The following PCM1 variants were observed in gnomAD, a reference collection of about 807,000 sequenced individuals.
The protein encoded by PCM1 is pericentriolar material 1.
In PCM1, 157 loss-of-function variants were observed where a neutral mutation model predicts 241.9. The ratio of observed to expected loss-of-function variants is 0.65; its 90% CI spans 0.57 to 0.74. PCM1 has a LOEUF of 0.74. Among genes scored for constraint, PCM1 ranks in the 30% least tolerant of loss-of-function variants. PCM1 has a pLI of 0.00. For missense variants in PCM1, 3,478 were observed against 2,360.1 expected (o/e 1.47, Z -9.81); for synonymous variants, 1,085 against 784.9 (o/e 1.38, Z -6.39).
intron 10 of PCM1, 199 bp downstream of exon 10, chr8:17,955,852 C>T (rs2068131590): frequency 1.7e-6 from 1 of 578,494 alleles, no homozygotes; most frequent in South Asian, 2.1e-5. Flanking sequence ...AACATAGTTT[C>T]TGTGAACTGA....
rs370255314 is a variant in PCM1, at chr8:18,015,958, G to A, written c.5841+1118G>A. The stretch of plus-strand genomic sequence containing the variant: ...GGCTGGAGTGCAGTGGCGCGATCTC[G>A]GCTCACTGCAACCTCTGCCTCCTGG... On this transcript the variant is annotated intron_variant, in intron 36 of 38. Transcript: ENST00000325083. Among the ~76,000 whole-genome samples the A allele has an allele frequency of 4.6e-4, 70 of 152,212 alleles. No homozygotes were observed. In the East Asian group the frequency reaches 8.7e-3, roughly 19 times the overall value.
At position 17,955,536 on chromosome 8, in the gene PCM1, C is replaced by T. The variant is rs571743913; in HGVS notation, c.1355C>T (p.Pro452Leu). 28 of 1,613,586 alleles carry T rather than the reference C, an allele frequency of 1.7e-5. No homozygotes were observed. The highest frequency in any genetic ancestry group is 2.2e-5 in the East Asian group (1 of 44,864). The change falls in exon 10 of 39, where the codon CCG (proline) becomes CTG (leucine). Residue 452 changes from proline (P) to leucine (L), a missense_variant. Coordinates refer to ENST00000325083, the MANE Select transcript of PCM1 (RefSeq NM_006197.4). Reference sequence around the variant, plus strand: ...CCCTCTGCTTCTGTAGGCTTGGCACCGGTTGTCAATGGAGAATCCAATAGC... The same window carrying T: ...CCCTCTGCTTCTGTAGGCTTGGCACTGGTTGTCAATGGAGAATCCAATAGC... ...SAPSASVGLA[P>L]VVNGESNSLT...
chr8:17,970,960 A>G (rs1295672048), intron 22 of PCM1, among the ~76,000 whole-genome samples: 2 of 152,184 alleles, frequency 1.3e-5, no homozygotes, highest in Admixed American at 6.5e-5. Flanking sequence ...CTTTTCCTAT[A>G]AAAGACTAGA....
At chr8:17,930,556 T>C (rs1162740278) in intron 2 of PCM1, among the ~76,000 whole-genome samples, 2 of 152,084 alleles carry the variant, frequency 1.3e-5, no homozygotes, top group African/African-American at 2.4e-5. Flanking sequence ...ATTACTCTTA[T>C]GAGGGAGATA....
chr8:17,976,260 C>T (rs2129473515), intron 23 of PCM1, among the ~76,000 whole-genome samples: 1 of 152,254 alleles, frequency 6.6e-6, no homozygotes, highest in South Asian at 2.1e-4. Flanking sequence ...TCTCTGTGCC[C>T]CTTGTCTCAC....
chr8:17,972,686 C>T lies in PCM1; in HGVS notation c.3942C>T (p.Ile1314=), dbSNP rs368313999. 45 of 1,507,542 alleles carry T rather than the reference C, an allele frequency of 3.0e-5. No individual in the cohort carries two copies. The highest frequency in any genetic ancestry group is 3.7e-5 in the Non-Finnish European group (42 of 1,126,164). 93.4% of individuals were successfully genotyped at this position (1,507,542 alleles called of 1,614,324 possible). ...AGCTGAAAAGCAGAGTTAAAAACAT[C>T]AGTAAGTGTTGAAATTTGTTGAATG... ...STQLKSRVKN[I]RYESASMSST... Residue 1314 remains isoleucine (I), a splice_region_variant and synonymous_variant, in exon 23 of 39, where the codon ATC becomes ATT. Transcript: ENST00000325083.
chr8:17,930,154 A>C lies in PCM1; in HGVS notation c.-23+5374A>C, dbSNP rs780310103. On this transcript the variant is annotated intron_variant, in intron 2 of 38. Transcript: ENST00000325083. Reference sequence around the variant, plus strand: ...AGTCTCGCTCTTCCGCCCAGGCCGGAGTGCAGTGGTGTTATCTGGGTTCAC... The same window carrying C: ...AGTCTCGCTCTTCCGCCCAGGCCGGCGTGCAGTGGTGTTATCTGGGTTCAC... 8.3e-4 allele frequency among the ~76,000 whole-genome samples: 112 copies of C among 135,390 alleles called. 1 individual carries two copies. Among genetic ancestry groups the C allele is most frequent in the South Asian group, 1.6e-3 (7 of 4,322 alleles). 88.8% of individuals were successfully genotyped at this position (135,390 alleles called of 152,430 possible).
chr8:18,018,878 AT>A (rs2093484556), intron 36 of PCM1, among the ~76,000 whole-genome samples: 1 of 31,098 alleles, frequency 3.2e-5, no homozygotes, highest in African/African-American at 1.0e-4. Flanking sequence ...ATATATATAT[AT>A]ACACACACAT....
At chr8:17,988,046 T>A (rs967925180) in intron 26 of PCM1, among the ~76,000 whole-genome samples, 1 of 151,610 alleles carries the variant, frequency 6.6e-6, no homozygotes, top group African/African-American at 2.4e-5. Flanking sequence ...AAAGTGAAAC[T>A]GGGAATCTGG....
rs753214707 is a variant in PCM1, at chr8:18,011,818, T to C, written c.5502T>C (p.His1834=). 3.7e-6 allele frequency: 6 copies of C among 1,612,728 alleles called. No homozygotes were observed. In the East Asian group the frequency reaches 8.9e-5, roughly 24 times the overall value. The change falls in exon 34 of 39, where the codon CAT becomes CAC. Residue 1834 remains histidine (H), a synonymous_variant. Transcript: ENST00000325083. ...ANTEATEENE[H]DEQVLQRDFK... ...CTGAAGCTACTGAAGAAAATGAACATGATGAACAGGTATTCCCGTATTGAC... is the reference window on the plus strand; with the variant it reads ...CTGAAGCTACTGAAGAAAATGAACACGATGAACAGGTATTCCCGTATTGAC...
chr8:17,976,802 A>G (rs1466868536), intron 23 of PCM1, among the ~76,000 whole-genome samples: 1 of 152,190 alleles, frequency 6.6e-6, no homozygotes, highest in East Asian at 1.9e-4. Flanking sequence ...TCAGTCACAC[A>G]TTAGTACCTT....
intron 29 of PCM1, among the ~76,000 whole-genome samples, chr8:17,997,438 C>T (rs965778844): frequency 6.6e-6 from 1 of 152,032 alleles, no homozygotes. Context: ...AGCTTACTAC[C>T]TCTGTCTCTC....
chr8:17,986,507 G>A (rs1247251521), intron 26 of PCM1, among the ~76,000 whole-genome samples: 3 of 145,678 alleles, frequency 2.1e-5, no homozygotes, highest in Non-Finnish European at 3.0e-5. Context: ...CTAGACAAAA[G>A]TCTTCCAGGA....
intron 22 of PCM1, among the ~76,000 whole-genome samples, chr8:17,971,667 C>A (rs1044833785): frequency 2.0e-5 from 3 of 152,210 alleles, no homozygotes; most frequent in Admixed American, 2.0e-4. Context: ...TGTTCCCAAG[C>A]CCTCTGCTAT....
rs1469699506 is a variant in PCM1, at chr8:17,935,726, A to G, written c.96+20A>G. 1 of 1,102,954 alleles carries G rather than the reference A, an allele frequency of 9.1e-7. No homozygotes were observed. Among genetic ancestry groups the G allele is most frequent in the East Asian group, 2.4e-5 (1 of 42,536 alleles). The allele number at this position is 1,102,954 out of a possible 1,614,324, so 68.3% of individuals were successfully genotyped here. On this transcript the variant is annotated intron_variant, in intron 3 of 38. Transcript: ENST00000325083. ...AATATGGTATGATTCCTTACTCTTC[A>G]TGGTGTGTTGTTGGCTATTAATGTT...
At chr8:17,954,861 A>G (rs2067470941) in intron 9 of PCM1, among the ~76,000 whole-genome samples, 1 of 152,212 alleles carries the variant, frequency 6.6e-6, no homozygotes, top group Non-Finnish European at 1.5e-5. Flanking sequence ...TTATCTAAAT[A>G]GCAGGTTTTT....
At chr8:17,943,404 A>G (rs1449965077) in intron 6 of PCM1, among the ~76,000 whole-genome samples, 2 of 152,184 alleles carry the variant, frequency 1.3e-5, no homozygotes, top group Non-Finnish European at 1.5e-5. Flanking sequence ...GTGGCATTGG[A>G]GAAGAGCAAA....
At chr8:17,926,259 TAGG>T (rs912947692) in intron 2 of PCM1, 9 of 152,152 alleles carry the variant, frequency 5.9e-5, no homozygotes, top group African/African-American at 1.9e-4. Context: ...GTTTTTTCAA[TAGG>T]AGATTTGGCC....
chr8:17,977,592 C>A (rs942444756), intron 23 of PCM1, among the ~76,000 whole-genome samples: 1 of 152,116 alleles, frequency 6.6e-6, no homozygotes, highest in East Asian at 1.9e-4. Context: ...GAGATCCTTG[C>A]AATTCCTCCT....
Sources: gnomAD v4.1 joint callset for allele counts (sites outside exome capture counted in the v4.1 genomes callset) on GRCh38, gnomAD v4.1.1 for gene constraint, MANE v1.5 for transcripts, NCBI Gene and HGNC (gene_info 2026-07-23, HGNC 2026-07-21) for gene names.